VAX2: variants seen among roughly 807,000 people sequenced by gnomAD.
The protein encoded by VAX2 is ventral anterior homeobox 2.
VAX2 carries 8 observed loss-of-function variants against 12.5 expected under a neutral mutation model. The ratio of observed to expected loss-of-function variants is 0.64; its 90% CI spans 0.37 to 1.15. The LOEUF is 1.15. Among genes scored for constraint, VAX2 ranks in the 50% most tolerant of loss-of-function variants. The pLI is 0.01. For synonymous variants in VAX2, 183 were observed against 187.6 expected, an observed-to-expected ratio of 0.98 and a Z score of 0.20; for missense variants, 476 against 412.9, an observed-to-expected ratio of 1.15 and a Z score of -1.32.
intron 2 of VAX2, among the ~76,000 whole-genome samples, chr2:70,921,529 T>C (rs1679458870): frequency 6.6e-6 from 1 of 151,616 alleles, no homozygotes; most frequent in Non-Finnish European, 1.5e-5. Flanking sequence ...TTGGATGGAA[T>C]ATGGAAAAGG....
At chr2:70,908,227 G>A (rs560827931) in intron 1 of VAX2, among the ~76,000 whole-genome samples, 2 of 152,200 alleles carry the variant, frequency 1.3e-5, no homozygotes, top group Admixed American at 6.5e-5. Context: ...GACATCAGGA[G>A]ATGGGAGGTC....
At chr2:70,930,442 G>C (rs1345133594) in intron 2 of VAX2, among the ~76,000 whole-genome samples, 1 of 152,168 alleles carries the variant, frequency 6.6e-6, no homozygotes, top group Admixed American at 6.5e-5. Context: ...CCTCCTCCCA[G>C]TGCAGCCTCT....
chr2:70,932,653 C>A, intron 2 of VAX2, 114 bp from the exon 3 acceptor site: 1 of 209,176 alleles, frequency 4.8e-6, no homozygotes. Context: ...CCCCCACCCC[C>A]ATCCACCACC....
At chr2:70,901,491 G>A (rs966995299) in intron 1 of VAX2, among the ~76,000 whole-genome samples, 3 of 152,222 alleles carry the variant, frequency 2.0e-5, no homozygotes, top group African/African-American at 7.2e-5. Flanking sequence ...TCTCGGCGCC[G>A]CCTTCCCGCG....
At chr2:70,902,138 C>A (rs1313551985) in intron 1 of VAX2, among the ~76,000 whole-genome samples, 3 of 152,200 alleles carry the variant, frequency 2.0e-5, no homozygotes, top group African/African-American at 7.2e-5. Context: ...CACCCTGGGC[C>A]AGTTGGGCAC....
At chr2:70,927,625 G>T (rs1553413719) in intron 2 of VAX2, among the ~76,000 whole-genome samples, 1 of 151,890 alleles carries the variant, frequency 6.6e-6, no homozygotes. Context: ...CCTGGAATTT[G>T]ATATTGACCA....
At chr2:70,901,828 GC>G (rs1448029947) in intron 1 of VAX2, among the ~76,000 whole-genome samples, 2 of 152,198 alleles carry the variant, frequency 1.3e-5, no homozygotes, top group African/African-American at 4.8e-5. Flanking sequence ...GAAGTCCGCT[GC>G]CTCCTCCATC....
At chr2:70,925,826 TCCTC>T (rs1553413474) in intron 2 of VAX2, among the ~76,000 whole-genome samples, 1 of 152,142 alleles carries the variant, frequency 6.6e-6, no homozygotes, top group African/African-American at 2.4e-5. Context: ...TCACAGAACT[TCCTC>T]CCAGTGCTCT....
rs1553409658 is a variant in VAX2, at chr2:70,900,809, A to G, written c.188A>G (p.Asp63Gly). The G allele has an allele frequency of 6.7e-7, 1 of 1,491,384 alleles. No individual in the cohort carries two copies. Among genetic ancestry groups the G allele is most frequent in the Non-Finnish European group, 8.9e-7 (1 of 1,120,234 alleles). The allele number at this position is 1,491,384 out of a possible 1,614,324, so 92.4% of individuals were successfully genotyped here. A position where few individuals can be genotyped will look rare whatever the true frequency, so the allele number is the denominator to read the frequency against. ...SPAGSRESGADSDGQPGPGEA... is the reference protein window; with the variant it reads ...SPAGSRESGAGSDGQPGPGEA... ...GCAGGCTCCAGGGAGAGTGGAGCCG[A>G]CAGCGACGGGCAGCCCGGGCCCGGC... The change falls in exon 1 of 3, where the codon GAC becomes GGC. Residue 63 changes from aspartate (D) to glycine (G), a missense_variant. Transcript: ENST00000234392.
chr2:70,932,558 T>G (rs1383402415), intron 2 of VAX2, among the ~76,000 whole-genome samples: 1 of 151,838 alleles, frequency 6.6e-6, no homozygotes, highest in Non-Finnish European at 1.5e-5. Context: ...GAGTCCCTAA[T>G]CAGTTCGCCT....
chr2:70,907,598 C>T (rs986546529), intron 1 of VAX2, among the ~76,000 whole-genome samples: 2 of 152,252 alleles, frequency 1.3e-5, no homozygotes, highest in Non-Finnish European at 2.9e-5. Context: ...CAGCCCACCG[C>T]GTCCACCCGC....
intron 2 of VAX2, among the ~76,000 whole-genome samples, chr2:70,930,246 C>CG (rs1679664079): frequency 1.6e-5 from 1 of 64,188 alleles, no homozygotes; most frequent in Non-Finnish European, 3.3e-5. Flanking sequence ...CTTCAAAACA[C>CG]CAACTCACAT....
chr2:70,916,044 A>T (rs1349766271), intron 1 of VAX2, among the ~76,000 whole-genome samples: 3 of 152,240 alleles, frequency 2.0e-5, no homozygotes, highest in Non-Finnish European at 4.4e-5. Flanking sequence ...CTAACTTTTT[A>T]AATGACATGC....
At chr2:70,914,957 C>T (rs1053035502) in intron 1 of VAX2, among the ~76,000 whole-genome samples, 3 of 152,058 alleles carry the variant, frequency 2.0e-5, no homozygotes, top group Admixed American at 6.6e-5. Context: ...CACGCCACCA[C>T]ACCCAGCTAA....
At chr2:70,903,600 C>A (rs1263059916) in intron 1 of VAX2, among the ~76,000 whole-genome samples, 1 of 152,176 alleles carries the variant, frequency 6.6e-6, no homozygotes, top group Non-Finnish European at 1.5e-5. Flanking sequence ...GGACCCATAG[C>A]CCTTATCTTA....
intron 2 of VAX2, among the ~76,000 whole-genome samples, chr2:70,923,711 T>C (rs1679510461): frequency 6.6e-6 from 1 of 152,182 alleles, no homozygotes; most frequent in Non-Finnish European, 1.5e-5. Context: ...AAGAGCCAGA[T>C]GGAAGAGACA....
chr2:70,910,823 A>G (rs1553411149), intron 1 of VAX2, among the ~76,000 whole-genome samples: 1 of 150,768 alleles, frequency 6.6e-6, no homozygotes, highest in African/African-American at 2.4e-5. Flanking sequence ...CCACAAAAAA[A>G]CAGCAACAAA....
chr2:70,932,956 G>A lies in VAX2; in HGVS notation c.625G>A (p.Gly209Ser). 1.2e-6 allele frequency: 2 copies of A among 1,611,952 alleles called. No individual in the cohort carries two copies. Among genetic ancestry groups the A allele is most frequent in the Non-Finnish European group, 1.7e-6 (2 of 1,179,040 alleles). ...SLLALTPSLP[G>S]LPASHRGTSL... ...CCTGGCGCTGACCCCTAGCCTGCCA[G>A]GCCTACCTGCCAGCCACAGGGGCAC... The change falls in exon 3 of 3, where the codon GGC (glycine) becomes AGC (serine). Residue 209 changes from glycine to serine, a missense_variant. By Grantham distance (56) the Gly-to-Ser change is moderately conservative. Coordinates refer to ENST00000234392, the MANE Select transcript of VAX2 (RefSeq NM_012476.3).
At chr2:70,921,754 AG>A (rs1679463583) in intron 2 of VAX2, among the ~76,000 whole-genome samples, 1 of 152,064 alleles carries the variant, frequency 6.6e-6, no homozygotes, top group African/African-American at 2.4e-5. Flanking sequence ...CCTTCATCTC[AG>A]GGTGCCTCAG....
Sources: allele counts gnomAD v4.1 joint callset (sites outside exome capture counted in the v4.1 genomes callset), GRCh38; gene constraint gnomAD v4.1.1; transcripts MANE v1.5; gene names NCBI Gene and HGNC (gene_info 2026-07-23, HGNC 2026-07-21).